The following DNAAF11 variants were observed in gnomAD, a reference collection of about 807,000 sequenced individuals.
DNAAF11 encodes dynein axonemal assembly factor 11.
DNAAF11 carries 45 observed loss-of-function variants against 60.8 expected under a neutral mutation model. The observed-to-expected ratio is 0.74, with a 90% CI of 0.58 to 0.95. The LOEUF (loss-of-function observed/expected upper bound fraction) is 0.95, where lower values mean the gene tolerates loss of function less well. Among genes scored for constraint, DNAAF11 ranks in the 40% least tolerant of loss-of-function variants. The pLI, the probability that DNAAF11 is intolerant of heterozygous loss-of-function variation, is 0.00. For missense variants in DNAAF11, 546 were observed against 546.2 expected (o/e 1.00, Z 0.00); for synonymous variants, 191 against 183.5 (o/e 1.04, Z -0.33).
the DNAAF11 span, among the ~76,000 whole-genome samples, chr8:132,697,495 G>C: frequency 1.3e-5 from 2 of 152,098 alleles, no homozygotes; most frequent in African/African-American, 2.4e-5. Flanking sequence ...GCATGCACCT[G>C]TAATCCCCGC....
chr8:132,588,822 C>A (rs1180243481), intron 10 of DNAAF11, among the ~76,000 whole-genome samples: 2 of 152,062 alleles, frequency 1.3e-5, no homozygotes, highest in Non-Finnish European at 2.9e-5. Context: ...AGGAAACTTA[C>A]AATCATGGCA....
Position 132,661,606 on chromosome 8 carries a change from C to A in DNAAF11, c.32G>T (p.Arg11Leu), listed in dbSNP as rs149894438. 6.2e-7 allele frequency: 1 copy of A among 1,613,996 alleles called. No homozygotes were observed. Residue 11 changes from arginine (R) to leucine (L), a missense_variant, in exon 2 of 12, where the codon CGG becomes CTG. Physicochemically the swap from Arg to Leu is moderately radical, Grantham distance 102. Transcript: ENST00000620350. Reference sequence around the variant, plus strand: ...GACACAGTCGTTGTGTTCAGCATTCCGTCTAATAAGATCTTCTGTGACTGG... The same window carrying A: ...GACACAGTCGTTGTGTTCAGCATTCAGTCTAATAAGATCTTCTGTGACTGG... MGWITEDLIR[R>L]NAEHNDCVIF... is the part of the protein sequence containing the mutation.
intron 11 of DNAAF11, chr8:132,578,390 G>T: frequency 7.2e-7 from 1 of 1,398,126 alleles, no homozygotes; most frequent in South Asian, 1.5e-5. Context: ...AAAACAAAGT[G>T]GGGAGGGGCC....
At chr8:132,664,785 G>T (rs1025385037) in intron 1 of DNAAF11, among the ~76,000 whole-genome samples, 2 of 152,042 alleles carry the variant, frequency 1.3e-5, no homozygotes, top group Admixed American at 1.3e-4. Flanking sequence ...CTTCATCAAG[G>T]TATTACGTGT....
chr8:132,603,871 G>A (rs948372746), intron 10 of DNAAF11, among the ~76,000 whole-genome samples: 2 of 152,052 alleles, frequency 1.3e-5, no homozygotes, highest in African/African-American at 4.8e-5. Context: ...GGGCGGAGTG[G>A]GAAGTCTTTT....
intron 3 of DNAAF11, among the ~76,000 whole-genome samples, chr8:132,647,816 G>T (rs1262783355): frequency 6.6e-6 from 1 of 152,162 alleles, no homozygotes; most frequent in East Asian, 1.9e-4. Context: ...AACCCAGGAA[G>T]AAGTTGAATC....
chr8:132,609,751 T>C (rs1586570379), intron 10 of DNAAF11, among the ~76,000 whole-genome samples: 2 of 152,294 alleles, frequency 1.3e-5, no homozygotes, highest in Middle Eastern at 3.4e-3. Context: ...CCAATGTTCT[T>C]CGACCACCTA....
chr8:132,594,746 C>T (rs574237720), intron 10 of DNAAF11, among the ~76,000 whole-genome samples: 2 of 152,284 alleles, frequency 1.3e-5, no homozygotes, highest in South Asian at 4.2e-4. Flanking sequence ...GCCTGCTTCC[C>T]CGTCCACCAT....
intron 7 of DNAAF11, among the ~76,000 whole-genome samples, chr8:132,618,109 A>G (rs2130156540): frequency 6.6e-6 from 1 of 152,112 alleles, no homozygotes; most frequent in African/African-American, 2.4e-5. Flanking sequence ...ATATAGATCA[A>G]TGGAACAGAA....
At chr8:132,638,430 C>T (rs1331580832) in intron 3 of DNAAF11, among the ~76,000 whole-genome samples, 2 of 152,108 alleles carry the variant, frequency 1.3e-5, no homozygotes, top group African/African-American at 2.4e-5. Flanking sequence ...AAAGTAAAAG[C>T]TGCTACTATA....
intron 10 of DNAAF11, among the ~76,000 whole-genome samples, chr8:132,602,638 C>G (rs1028537096): frequency 6.6e-6 from 1 of 151,868 alleles, no homozygotes; most frequent in Non-Finnish European, 1.5e-5. Flanking sequence ...AGAAGAGCAA[C>G]AACCTGCCAT....
chr8:132,632,232 T>C (rs1414481253), intron 5 of DNAAF11, among the ~76,000 whole-genome samples: 2 of 152,146 alleles, frequency 1.3e-5, no homozygotes, highest in African/African-American at 2.4e-5. Flanking sequence ...CAACTGACTA[T>C]AGTTGCAATT....
At chr8:132,650,674 A>T (rs1340009421) in intron 3 of DNAAF11, among the ~76,000 whole-genome samples, 2 of 152,240 alleles carry the variant, frequency 1.3e-5, no homozygotes, top group Non-Finnish European at 2.9e-5. Context: ...TTTATTTTAC[A>T]TTGGCAAAAA....
chr8:132,635,525 A>T (rs1821207757), intron 4 of DNAAF11, among the ~76,000 whole-genome samples: 1 of 152,182 alleles, frequency 6.6e-6, no homozygotes, highest in Non-Finnish European at 1.5e-5. Flanking sequence ...AGTGGCTCAG[A>T]CACTGGGAAG....
At chr8:132,620,990 GGA>G (rs1222102118) in intron 7 of DNAAF11, among the ~76,000 whole-genome samples, 1 of 152,184 alleles carries the variant, frequency 6.6e-6, no homozygotes, top group Non-Finnish European at 1.5e-5. Context: ...GATAATAGCA[GGA>G]GAGGCAGAGA....
At chr8:132,629,296 T>G (rs1046218467) in intron 5 of DNAAF11, among the ~76,000 whole-genome samples, 2 of 152,074 alleles carry the variant, frequency 1.3e-5, no homozygotes, top group African/African-American at 4.8e-5. Flanking sequence ...GCACACATTC[T>G]TTTTAAAGTC....
At chr8:132,676,247 C>T (rs893774010), upstream of DNAAF11, among the ~76,000 whole-genome samples, 1 of 152,164 alleles carries the variant, frequency 6.6e-6, no homozygotes, top group African/African-American at 2.4e-5. Context: ...ACACTCCCCT[C>T]ACGTTTCCCC....
At chr8:132,648,910 G>A (rs1315260323) in intron 3 of DNAAF11, among the ~76,000 whole-genome samples, 3 of 152,072 alleles carry the variant, frequency 2.0e-5, no homozygotes, top group African/African-American at 4.8e-5. Flanking sequence ...AGGAAGAGTC[G>A]ATATCGTGAA....
In DNAAF11 at chr8:132,674,397, A is replaced by G. The variant is rs181524192; in HGVS notation, c.10+1087T>C. On this transcript the variant is annotated intron_variant, in intron 1 of 11. Transcript: ENST00000620350. ...CAGGCTGTCAGGTCTTCCAGGGCAG[A>G]AAGCCCATCATCTGGAGCAGTCTCT... Among the ~76,000 whole-genome samples, 5 of 152,280 alleles carry G rather than the reference A, an allele frequency of 3.3e-5. No homozygotes were observed. In the East Asian group the frequency reaches 7.7e-4, roughly 24 times the overall value.
Sources: gnomAD v4.1 joint callset for allele counts (sites outside exome capture counted in the v4.1 genomes callset) on GRCh38, gnomAD v4.1.1 for gene constraint, MANE v1.5 for transcripts, NCBI Gene and HGNC (gene_info 2026-07-23, HGNC 2026-07-21) for gene names.